Variants in MCU observed in about 807,000 individuals in gnomAD.
The protein encoded by MCU is calcium uniporter protein, mitochondrial.
A neutral mutation model predicts 45.2 loss-of-function variants in MCU; 12 were observed. The observed-to-expected ratio is 0.27, with a 90% CI of 0.17 to 0.43. The LOEUF (loss-of-function observed/expected upper bound fraction) is 0.43, where lower values mean the gene tolerates loss of function less well. Ranked by LOEUF, MCU falls within the 20% of genes least tolerant of loss-of-function variation. MCU has a pLI of 1.00. For missense variants in MCU, 324 were observed against 436.7 expected (o/e 0.74, Z 2.30); for synonymous variants, 160 against 165.1 (o/e 0.97, Z 0.24).
At chr10:72,736,725 C>T (rs936311915) in intron 1 of MCU, among the ~76,000 whole-genome samples, 6 of 152,208 alleles carry the variant, frequency 3.9e-5, no homozygotes, top group Non-Finnish European at 8.8e-5. Context: ...CTTAACAAAT[C>T]TGTAACATTT....
chr10:72,757,840 C>T (rs1051343625), intron 1 of MCU, among the ~76,000 whole-genome samples: 2 of 152,112 alleles, frequency 1.3e-5, no homozygotes, highest in South Asian at 2.1e-4. Flanking sequence ...GATTAACAAG[C>T]GAAAAACAAG....
At chr10:72,868,583 C>A in intron 4 of MCU, 120 bp from the exon 5 acceptor site, 2 of 796,142 alleles carry the variant, frequency 2.5e-6, no homozygotes, top group Non-Finnish European at 3.9e-6. Context: ...CTATTACTTT[C>A]CTTCAGTTTA....
chr10:72,848,524 A>G (rs1355312642), intron 2 of MCU, among the ~76,000 whole-genome samples: 2 of 152,134 alleles, frequency 1.3e-5, no homozygotes, highest in Non-Finnish European at 2.9e-5. Context: ...GCAAAAATCC[A>G]GTTATGGGGC....
chr10:72,864,407 G>A (rs374984022), intron 4 of MCU, among the ~76,000 whole-genome samples: 3 of 152,166 alleles, frequency 2.0e-5, no homozygotes, highest in Non-Finnish European at 4.4e-5. Flanking sequence ...GATACGTACC[G>A]TAGACTGAGG....
intron 1 of MCU, among the ~76,000 whole-genome samples, chr10:72,714,332 C>T: frequency 1.2e-5 from 1 of 82,814 alleles, no homozygotes. Flanking sequence ...ACTTCAGTTC[C>T]CCCCGCCCTG....
chr10:72,753,223 T>C (rs1843527106), intron 1 of MCU, among the ~76,000 whole-genome samples: 1 of 152,206 alleles, frequency 6.6e-6, no homozygotes, highest in Admixed American at 6.5e-5. Context: ...CATGATTATC[T>C]TCCCTAAAAT....
chr10:72,725,359 C>A (rs1335095808), intron 1 of MCU, among the ~76,000 whole-genome samples: 1 of 152,044 alleles, frequency 6.6e-6, no homozygotes, highest in Non-Finnish European at 1.5e-5. Context: ...ATCTCCTGAC[C>A]TTGTGATCCG....
At chr10:72,706,650 C>T (rs1275809024) in intron 1 of MCU, among the ~76,000 whole-genome samples, 1 of 149,594 alleles carries the variant, frequency 6.7e-6, no homozygotes, top group Non-Finnish European at 1.5e-5. Flanking sequence ...CGATTCTCCT[C>T]CTCAGCCTCC....
intron 1 of MCU, among the ~76,000 whole-genome samples, chr10:72,784,006 C>CT (rs1483884550): frequency 3.9e-5 from 6 of 152,268 alleles, no homozygotes; most frequent in East Asian, 3.9e-4. Context: ...GTTACTTTAC[C>CT]TTTTTGGCTG....
chr10:72,699,917 A>G (rs1035200889), intron 1 of MCU, among the ~76,000 whole-genome samples: 1 of 151,976 alleles, frequency 6.6e-6, no homozygotes, highest in African/African-American at 2.4e-5. Flanking sequence ...TTAGTAGCTC[A>G]GCATCTTAAT....
intron 1 of MCU, among the ~76,000 whole-genome samples, chr10:72,699,079 T>C (rs868046376): frequency 3.0e-4 from 46 of 152,254 alleles, no homozygotes; most frequent in Middle Eastern, 3.4e-3. Context: ...ACTGGGATTA[T>C]AGGGTGAGCC....
At chr10:72,859,542 T>C (rs1845345134) in intron 3 of MCU, among the ~76,000 whole-genome samples, 195 bp downstream of exon 3, 1 of 152,140 alleles carries the variant, frequency 6.6e-6, no homozygotes, top group Non-Finnish European at 1.5e-5. Context: ...GTATAATTGA[T>C]CGGTTTTAGC....
intron 1 of MCU, among the ~76,000 whole-genome samples, chr10:72,749,671 A>G (rs78293844): frequency 0.012 from 1,760 of 152,296 alleles, 15 homozygotes; most frequent in Non-Finnish European, 0.018. Context: ...AGTGCTGACA[A>G]TAAATATGTT....
intron 2 of MCU, among the ~76,000 whole-genome samples, chr10:72,846,302 C>T (rs1564573006): frequency 6.6e-6 from 1 of 152,182 alleles, no homozygotes; most frequent in South Asian, 2.1e-4. Context: ...ATCAGCTTCC[C>T]GAAGTGCTGG....
Position 72,885,802 on chromosome 10 carries a change from C to T in MCU, c.1036C>T (p.Gln346Ter). 1 of 1,613,592 alleles carries T rather than the reference C, an allele frequency of 6.2e-7. No individual in the cohort carries two copies. The highest frequency in any genetic ancestry group is 8.5e-7 in the Non-Finnish European group (1 of 1,179,646). ...DPLQVHLPLR[Q>*]IGEKD ...ATTACAAGTACATCTGCCTCTCCGA[C>T]AAATTGGTGAAAAAGATTGATCTGC... The change falls in exon 8 of 8, where the codon CAA (glutamine) becomes TAA (stop). Residue 346 changes from glutamine to a stop codon, truncating the protein, a stop_gained. Transcript: ENST00000373053. LOFTEE classifies it high-confidence loss of function.
At chr10:72,859,833 G>T (rs1267804922) in intron 3 of MCU, among the ~76,000 whole-genome samples, 1 of 151,098 alleles carries the variant, frequency 6.6e-6, no homozygotes, top group Non-Finnish European at 1.5e-5. Flanking sequence ...TTTTCCCATT[G>T]TGTTTTCCCC....
At chr10:72,704,015 C>G (rs959978176) in intron 1 of MCU, among the ~76,000 whole-genome samples, 2 of 151,984 alleles carry the variant, frequency 1.3e-5, no homozygotes, top group Admixed American at 6.6e-5. Context: ...TAGTTGAGAC[C>G]TAAATTGATT....
At chr10:72,823,476 C>T (rs1844745478) in intron 1 of MCU, among the ~76,000 whole-genome samples, 1 of 152,142 alleles carries the variant, frequency 6.6e-6, no homozygotes, top group Non-Finnish European at 1.5e-5. Flanking sequence ...ACAGAGTGGG[C>T]TGAGGACCAT....
At chr10:72,865,777 T>TC (rs1845444043) in intron 4 of MCU, among the ~76,000 whole-genome samples, 1 of 148,464 alleles carries the variant, frequency 6.7e-6, no homozygotes, top group Non-Finnish European at 1.5e-5. Context: ...TTTTTTTTGT[T>TC]TTTTTTTTTG....
Sources: allele counts gnomAD v4.1 joint callset (sites outside exome capture counted in the v4.1 genomes callset), GRCh38; gene constraint gnomAD v4.1.1; transcripts MANE v1.5; gene names NCBI Gene and HGNC (gene_info 2026-07-23, HGNC 2026-07-21).